Variants in AOPEP observed in about 807,000 individuals in gnomAD.
AOPEP encodes the protein aminopeptidase O.
In AOPEP, 77 loss-of-function variants were observed where a neutral mutation model predicts 98.1. The observed-to-expected ratio is 0.78, with a 90% CI of 0.65 to 0.95. The LOEUF is 0.95. Ranked by LOEUF, AOPEP falls within the 40% of genes least tolerant of loss-of-function variation. The pLI is 0.00. For synonymous variants in AOPEP, 346 were observed against 365.3 expected (o/e 0.95, Z 0.60); for missense variants, 1,024 against 1,024.7 (o/e 1.00, Z 0.01).
At chr9:95,147,176 A>G in the AOPEP span, among the ~76,000 whole-genome samples, 1 of 152,186 alleles carries the variant, frequency 6.6e-6, no homozygotes, top group African/African-American at 2.4e-5. Context: ...GGCTTTAAAA[A>G]TGAGGATTAA....
chr9:94,854,065 T>C (rs2043888985), intron 5 of AOPEP, among the ~76,000 whole-genome samples: 1 of 152,162 alleles, frequency 6.6e-6, no homozygotes, highest in Admixed American at 6.5e-5. Context: ...TTAATGATTA[T>C]ATTGTGAGTC....
intron 16 of AOPEP, among the ~76,000 whole-genome samples, chr9:95,083,850 G>A (rs1467159895): frequency 6.6e-6 from 1 of 152,188 alleles, no homozygotes; most frequent in Non-Finnish European, 1.5e-5. Context: ...TTTCTCCCCT[G>A]GCTTCTATTG....
chr9:95,097,739 C>A, the AOPEP span, among the ~76,000 whole-genome samples: 2 of 152,138 alleles, frequency 1.3e-5, no homozygotes, highest in African/African-American at 4.8e-5. Flanking sequence ...GGAGGGAAGG[C>A]CTTTGCTATG....
At chr9:95,003,319 T>C (rs754698677) in intron 11 of AOPEP, among the ~76,000 whole-genome samples, 5 of 152,266 alleles carry the variant, frequency 3.3e-5, no homozygotes, top group Non-Finnish European at 5.9e-5. Flanking sequence ...TACTGGACTA[T>C]TGGAATTTAT....
At chr9:95,007,477 TAGG>T (rs1442614679) in intron 13 of AOPEP, among the ~76,000 whole-genome samples, 1 of 152,036 alleles carries the variant, frequency 6.6e-6, no homozygotes, top group Admixed American at 6.5e-5. Flanking sequence ...CGTTAAAACT[TAGG>T]GGGAAGATTT....
the AOPEP span, chr9:95,111,025 GGA>G: frequency 1.2e-5 from 18 of 1,442,896 alleles, no homozygotes; most frequent in Non-Finnish European, 1.6e-5. Flanking sequence ...ATCCAAGAAA[GGA>G]GACAGTCAAG....
At chr9:94,970,962 C>CA (rs2059500546) in intron 10 of AOPEP, among the ~76,000 whole-genome samples, 1 of 152,076 alleles carries the variant, frequency 6.6e-6, no homozygotes, top group African/African-American at 2.4e-5. Flanking sequence ...GGTGACTATG[C>CA]ATTCTTTCAA....
chr9:95,064,937 C>T lies in AOPEP; in HGVS notation c.2232+4127C>T, dbSNP rs7850995. 2.5e-3 allele frequency among the ~76,000 whole-genome samples: 378 copies of T among 152,268 alleles called. 3 individuals are homozygous for T. Among genetic ancestry groups the T allele is most frequent in the African/African-American group, 8.5e-3 (355 of 41,564 alleles). On this transcript the variant is annotated intron_variant, in intron 14 of 16. Coordinates refer to ENST00000375315, the MANE Select transcript of AOPEP (RefSeq NM_001193329.3). ...ATTGATCCATAGTTGTGGTTCTGTTCGTTCCTTTCAGTGCTAGAACTCTTT... is the reference window on the plus strand; with the variant it reads ...ATTGATCCATAGTTGTGGTTCTGTTTGTTCCTTTCAGTGCTAGAACTCTTT...
intron 13 of AOPEP, among the ~76,000 whole-genome samples, chr9:95,020,851 GA>G (rs2063390812): frequency 7.3e-6 from 1 of 136,796 alleles, no homozygotes; most frequent in Non-Finnish European, 1.5e-5. Flanking sequence ...CTGGGAGGTG[GA>G]GGTTGCAGTT....
At chr9:95,116,045 C>T in the AOPEP span, among the ~76,000 whole-genome samples, 368 of 152,388 alleles carry the variant, frequency 2.4e-3, 1 homozygote, top group Admixed American at 4.9e-3. Context: ...TCTTGTACTT[C>T]TGCCCGAAGC....
chr9:94,907,148 C>T (rs1022781887), intron 5 of AOPEP, among the ~76,000 whole-genome samples: 1 of 152,084 alleles, frequency 6.6e-6, no homozygotes, highest in Non-Finnish European at 1.5e-5. Context: ...TATGAAGGGC[C>T]CCTAGAAATA....
At chr9:95,092,970 G>A in the AOPEP span, among the ~76,000 whole-genome samples, 1 of 152,204 alleles carries the variant, frequency 6.6e-6, no homozygotes, top group African/African-American at 2.4e-5. Flanking sequence ...TTATGTTTAG[G>A]GAGGGAGGCT....
the AOPEP span, chr9:95,125,160 C>T: frequency 6.2e-7 from 1 of 1,614,140 alleles, no homozygotes; most frequent in Non-Finnish European, 8.5e-7. Flanking sequence ...ATTTCCAGGG[C>T]CCCATCGGTT....
At chr9:94,826,214 C>G (rs140892472) in intron 5 of AOPEP, among the ~76,000 whole-genome samples, 6 of 152,204 alleles carry the variant, frequency 3.9e-5, no homozygotes, top group African/African-American at 1.4e-4. Flanking sequence ...AAAGCTGTTT[C>G]GTCCGCGGGC....
At chr9:95,148,934 A>G in the AOPEP span, among the ~76,000 whole-genome samples, 1 of 152,170 alleles carries the variant, frequency 6.6e-6, no homozygotes, top group Non-Finnish European at 1.5e-5. Flanking sequence ...CCCAATTACT[A>G]TCTATGTGGG....
rs935859560 is a variant in AOPEP, at chr9:95,086,820, C to T, written c.*143C>T. 4.0e-6 allele frequency: 4 copies of T among 987,898 alleles called. No individual in the cohort carries two copies. The highest frequency in any genetic ancestry group is 1.1e-4 in the East Asian group (1 of 8,784). 61.2% of individuals were successfully genotyped at this position (987,898 alleles called of 1,614,324 possible). ...CAGCCCTGTTCACATCTTGGTGCTT[C>T]TCTTTCCCAGAGGCTGGTCCCAGCC... On this transcript the variant is annotated 3_prime_UTR_variant, in exon 17 of 17. Transcript: ENST00000375315.
chr9:94,889,998 T>C (rs1035472013), intron 5 of AOPEP, among the ~76,000 whole-genome samples: 1 of 152,012 alleles, frequency 6.6e-6, no homozygotes, highest in African/African-American at 2.4e-5. Context: ...TGCATATCTT[T>C]TGCCCATGTT....
At chr9:94,940,333 C>T (rs1029290041) in intron 7 of AOPEP, among the ~76,000 whole-genome samples, 8 of 152,148 alleles carry the variant, frequency 5.3e-5, no homozygotes, top group African/African-American at 7.2e-5. Flanking sequence ...GGGCCAGGTG[C>T]GGTGGCTCAT....
At chr9:95,049,535 T>A (rs577544559) in intron 13 of AOPEP, among the ~76,000 whole-genome samples, 7 of 152,304 alleles carry the variant, frequency 4.6e-5, no homozygotes, top group Non-Finnish European at 7.3e-5. Context: ...ATCAGAAAGC[T>A]CAGAAATGTT....
Sources: allele counts gnomAD v4.1 joint callset (sites outside exome capture counted in the v4.1 genomes callset), GRCh38; gene constraint gnomAD v4.1.1; transcripts MANE v1.5; gene names NCBI Gene and HGNC (gene_info 2026-07-23, HGNC 2026-07-21).